Variants in SGSM1 observed in about 807,000 individuals in gnomAD.
SGSM1 encodes the protein small G protein signaling modulator 1, also known as RUN and TBC1 domain containing 2.
Under a neutral mutation model 133.8 loss-of-function variants are expected in SGSM1, and 73 were observed. The ratio of observed to expected loss-of-function variants is 0.55; its 90% CI spans 0.45 to 0.66. The LOEUF (loss-of-function observed/expected upper bound fraction) is 0.66, where lower values mean the gene tolerates loss of function less well. Among genes scored for constraint, SGSM1 ranks in the 30% least tolerant of loss-of-function variants. The pLI, the probability that SGSM1 is intolerant of heterozygous loss-of-function variation, is 0.00. For missense variants in SGSM1, 1,213 were observed against 1,448.1 expected, an observed-to-expected ratio of 0.84 and a Z score of 2.64; for synonymous variants, 563 against 573.0, an observed-to-expected ratio of 0.98 and a Z score of 0.25.
rs1354407530 is a variant in SGSM1, at chr22:24,855,664, A to G, written c.785A>G (p.Asn262Ser). The change falls in exon 8 of 25, where the codon AAC (asparagine) becomes AGC (serine). Residue 262 changes from asparagine to serine, a missense_variant. Coordinates refer to ENST00000400358, the MANE Select transcript of SGSM1 (RefSeq NM_001098497.3). ...SRATLLYGKN[N>S]VLVQPRDDME... ...GCCACCCTTCTCTATGGCAAAAACA[A>G]CGTTCTTGTTCAGCCGGTGAGAGGT... 9 of 1,613,878 alleles carry G rather than the reference A, an allele frequency of 5.6e-6. No individual in the cohort carries two copies. Among genetic ancestry groups the G allele is most frequent in the Non-Finnish European group, 7.6e-6 (9 of 1,179,852 alleles).
intron 16 of SGSM1, among the ~76,000 whole-genome samples, chr22:24,889,868 C>T (rs963123389): frequency 6.8e-6 from 1 of 147,996 alleles, no homozygotes; most frequent in Non-Finnish European, 1.5e-5. Context: ...CCGGGCTGGT[C>T]TTGAACTCCT....
At position 24,898,189 on chromosome 22, in the gene SGSM1, C is replaced by T. The variant is rs774658152; in HGVS notation, c.2240C>T (p.Thr747Met). 1.2e-4 allele frequency: 188 copies of T among 1,613,808 alleles called. No individual in the cohort carries two copies. Among genetic ancestry groups the T allele is most frequent in the Admixed American group, 2.7e-4 (16 of 59,998 alleles). The change falls in exon 19 of 25, where the codon ACG (threonine) becomes ATG (methionine). Residue 747 changes from threonine (T) to methionine (M), a missense_variant. Transcript: ENST00000400358. Reference protein sequence around the residue: ...SVLDAQRNTPTVLRPRDGSVD... With the variant: ...SVLDAQRNTPMVLRPRDGSVD... The stretch of plus-strand genomic sequence containing the variant: ...TTGGACGCCCAGCGGAACACCCCCA[C>T]GGTGCTGCGACCTAGGGATGGCAGC...
Position 24,905,252 on chromosome 22 carries a change from T to C in SGSM1, c.2818+65T>C, listed in dbSNP as rs988932314. 1.1e-5 allele frequency: 16 copies of C among 1,461,584 alleles called. No individual in the cohort carries two copies. In the Middle Eastern group the frequency reaches 5.2e-4, roughly 47 times the overall value. The allele number at this position is 1,461,584 out of a possible 1,614,324, so 90.5% of individuals were successfully genotyped here. Reference sequence around the variant, plus strand: ...TCCTTTCCACTGCATGGCAGAAGGCTTAATCTCACTTTGTGACTCTGTAGA... The same window carrying C: ...TCCTTTCCACTGCATGGCAGAAGGCCTAATCTCACTTTGTGACTCTGTAGA... On this transcript the variant is annotated intron_variant, in intron 21 of 24. Transcript: ENST00000400358.
intron 18 of SGSM1, among the ~76,000 whole-genome samples, chr22:24,897,761 G>A (rs1352511962): frequency 6.6e-6 from 1 of 152,198 alleles, no homozygotes; most frequent in Non-Finnish European, 1.5e-5. Flanking sequence ...GAGCCACCAT[G>A]CCCAGCCTAG....
chr22:24,866,971 G>A (rs965221574), intron 9 of SGSM1, 122 bp from the exon 10 acceptor site: 1 of 872,888 alleles, frequency 1.1e-6, no homozygotes, highest in East Asian at 2.6e-5. Context: ...CTGGGACACA[G>A]ATGCTGGGGA....
chr22:24,859,246 T>C (rs1930983015), intron 8 of SGSM1, among the ~76,000 whole-genome samples: 1 of 152,024 alleles, frequency 6.6e-6, no homozygotes, highest in Admixed American at 6.5e-5. Context: ...GACCGGCTAC[T>C]GGGCGGGGAG....
Position 24,830,152 on chromosome 22 carries a change from C to G in SGSM1, c.64-14745C>G, listed in dbSNP as rs59884604. Reference sequence around the variant, plus strand: ...GTTACCCTCCTTGCTAATTAACCAGCCTTTTCAATTTCATCTCCTGGCCTC... The same window carrying G: ...GTTACCCTCCTTGCTAATTAACCAGGCTTTTCAATTTCATCTCCTGGCCTC... On this transcript the variant is annotated intron_variant, in intron 2 of 24. Coordinates refer to ENST00000400358, the MANE Select transcript of SGSM1 (RefSeq NM_001098497.3). 5.9e-5 allele frequency among the ~76,000 whole-genome samples: 9 copies of G among 152,304 alleles called. No individual in the cohort carries two copies. The South Asian group carries it at 6.2e-4, about 11-fold the overall frequency.
intron 24 of SGSM1, among the ~76,000 whole-genome samples, chr22:24,922,610 G>A (rs1934053064): frequency 6.6e-6 from 1 of 150,480 alleles, no homozygotes; most frequent in Admixed American, 6.7e-5. Flanking sequence ...CAAGTAGCTG[G>A]GACTACAGGC....
intron 2 of SGSM1, among the ~76,000 whole-genome samples, chr22:24,809,449 C>T (rs1192671388): frequency 5.3e-5 from 8 of 152,182 alleles, no homozygotes; most frequent in Non-Finnish European, 7.3e-5. Context: ...CCTTAACAAT[C>T]GACATCTCTA....
intron 2 of SGSM1, among the ~76,000 whole-genome samples, chr22:24,825,417 T>C: frequency 6.6e-6 from 1 of 152,050 alleles, no homozygotes; most frequent in Admixed American, 6.6e-5. Context: ...ACTTACTAAG[T>C]TATTTTTATT....
chr22:24,862,169 C>T (rs956051170), intron 9 of SGSM1, among the ~76,000 whole-genome samples: 4 of 151,982 alleles, frequency 2.6e-5, no homozygotes, highest in East Asian at 1.9e-4. Flanking sequence ...AGGCTGGTCT[C>T]GAACTCCCAA....
At chr22:24,867,490 C>A (rs1293829237) in intron 10 of SGSM1, among the ~76,000 whole-genome samples, 1 of 152,228 alleles carries the variant, frequency 6.6e-6, no homozygotes, top group Non-Finnish European at 1.5e-5. Flanking sequence ...TGAGCACTCA[C>A]ATGCCCGTTA....
At chr22:24,820,941 A>G (rs1274634438) in intron 2 of SGSM1, among the ~76,000 whole-genome samples, 1 of 152,204 alleles carries the variant, frequency 6.6e-6, no homozygotes, top group Non-Finnish European at 1.5e-5. Flanking sequence ...GGTTGGGATG[A>G]GTTGGGTAGG....
intron 5 of SGSM1, among the ~76,000 whole-genome samples, chr22:24,851,821 GTGT>G (rs1450534835): frequency 6.6e-6 from 1 of 152,210 alleles, no homozygotes; most frequent in Non-Finnish European, 1.5e-5. Context: ...GGGGAACAAA[GTGT>G]TTCTGGTGGA....
rs1008801099 is a variant in SGSM1, at chr22:24,829,080, T to C, written c.64-15817T>C. Among the ~76,000 whole-genome samples, 10 of 151,844 alleles carry C rather than the reference T, an allele frequency of 6.6e-5. 1 individual carries two copies. Among genetic ancestry groups the C allele is most frequent in the Admixed American group, 5.2e-4 (8 of 15,258 alleles). Reference sequence around the variant, plus strand: ...GCATGGTGGCGGGCGCCTGTAGTCCTAGCTACTCGGGAGGCTGAGGCAGGA... The same window carrying C: ...GCATGGTGGCGGGCGCCTGTAGTCCCAGCTACTCGGGAGGCTGAGGCAGGA... On this transcript the variant is annotated intron_variant, in intron 2 of 24. Coordinates refer to ENST00000400358, the MANE Select transcript of SGSM1 (RefSeq NM_001098497.3).
At chr22:24,854,117 T>C (rs1174311393) in intron 5 of SGSM1, among the ~76,000 whole-genome samples, 1 of 152,136 alleles carries the variant, frequency 6.6e-6, no homozygotes, top group Non-Finnish European at 1.5e-5. Flanking sequence ...ACAATTCAAG[T>C]TGGGATTTGG....
chr22:24,832,961 G>A (rs750112636), intron 2 of SGSM1, among the ~76,000 whole-genome samples: 3 of 150,478 alleles, frequency 2.0e-5, no homozygotes, highest in Non-Finnish European at 4.4e-5. Flanking sequence ...TTCAGACGGC[G>A]TTTCATTCTT....
intron 22 of SGSM1, among the ~76,000 whole-genome samples, chr22:24,915,809 C>A (rs1305803914): frequency 2.6e-5 from 4 of 152,072 alleles, no homozygotes; most frequent in Non-Finnish European, 5.9e-5. Context: ...CAGTTTTTTT[C>A]ATTGTGATTT....
intron 22 of SGSM1, 74 bp from the exon 23 acceptor site, chr22:24,917,581 TACC>T: frequency 9.9e-7 from 1 of 1,015,160 alleles, no homozygotes; most frequent in Non-Finnish European, 1.5e-6. Context: ...TGTGTGGATG[TACC>T]ACCATTTATT....
Sources: gnomAD v4.1 joint callset for allele counts (sites outside exome capture counted in the v4.1 genomes callset) on GRCh38, gnomAD v4.1.1 for gene constraint, MANE v1.5 for transcripts, NCBI Gene and HGNC (gene_info 2026-07-23, HGNC 2026-07-21) for gene names.